Variants in VXN observed in about 807,000 individuals in gnomAD.
VXN encodes vexin, also known as uncharacterized protein C8orf46.
A neutral mutation model predicts 23.1 loss-of-function variants in VXN; 7 were observed. The ratio of observed to expected loss-of-function variants is 0.30; its 90% confidence interval spans 0.17 to 0.57. The LOEUF (loss-of-function observed/expected upper bound fraction) is 0.57. Ranked by LOEUF, VXN falls within the 20% of genes least tolerant of loss-of-function variation. The pLI, the probability that VXN is intolerant of heterozygous loss-of-function variation, is 0.91. For synonymous variants in VXN, 120 were observed against 105.8 expected (o/e 1.13, Z -0.83); for missense variants, 238 against 272.6 (o/e 0.87, Z 0.89).
In VXN at chr8:66,517,258, T is replaced by A. The variant is rs1334188663; in HGVS notation, c.*1182T>A. The A allele has an allele frequency of 1.3e-5, 2 of 152,232 alleles. No individual in the cohort carries two copies. Among genetic ancestry groups the A allele is most frequent in the African/African-American group, 2.4e-5 (1 of 41,464 alleles). 9.4% of individuals were successfully genotyped at this position (152,232 alleles called of 1,614,324 possible). On this transcript the variant is annotated 3_prime_UTR_variant, in exon 6 of 6. Transcript: ENST00000305454. ...AACAATAACATAATAATAATGATGA[T>A]AATGATACTTATAGCTATCATCTAT...
At chr8:66,499,755 C>T (rs1285691861) in intron 2 of VXN, among the ~76,000 whole-genome samples, 1 of 152,028 alleles carries the variant, frequency 6.6e-6, no homozygotes, top group African/African-American at 2.4e-5. Flanking sequence ...GACGGAGTTT[C>T]ACCATGTTGG....
intron 2 of VXN, among the ~76,000 whole-genome samples, chr8:66,501,619 A>G (rs1261536238): frequency 6.6e-6 from 1 of 152,224 alleles, no homozygotes; most frequent in Non-Finnish European, 1.5e-5. Context: ...CCAGGTGGAC[A>G]GCACAGGAGT....
At chr8:66,503,307 A>C (rs777595948) in intron 2 of VXN, 3 of 152,196 alleles carry the variant, frequency 2.0e-5, no homozygotes, top group East Asian at 3.8e-4. Flanking sequence ...ATTAGGCTAG[A>C]ATTGGGCTAG....
At chr8:66,512,065 C>CAAA (rs35689084) in intron 4 of VXN, among the ~76,000 whole-genome samples, 1 of 68,318 alleles carries the variant, frequency 1.5e-5, no homozygotes. Flanking sequence ...AACTCAGTTT[C>CAAA]AAAAAAAAAA....
At chr8:66,513,736 G>A (rs1029288935) in intron 5 of VXN, 99 bp downstream of exon 5, 14 of 930,346 alleles carry the variant, frequency 1.5e-5, no homozygotes, top group African/African-American at 1.0e-4. Context: ...ACAGACCCTC[G>A]AGAGGCCAAC....
At chr8:66,499,124 T>A (rs189558466) in intron 2 of VXN, among the ~76,000 whole-genome samples, 39 of 152,084 alleles carry the variant, frequency 2.6e-4, no homozygotes, top group African/African-American at 9.4e-4. Flanking sequence ...TTTATTTTTT[T>A]ATTTTTTTCT....
intron 2 of VXN, among the ~76,000 whole-genome samples, chr8:66,496,907 A>T (rs1807632992): frequency 6.6e-6 from 1 of 151,042 alleles, no homozygotes; most frequent in Non-Finnish European, 1.5e-5. Flanking sequence ...TTTTTTTGAG[A>T]TGGAGTCTCT....
At chr8:66,505,769 G>A (rs371711451) in intron 3 of VXN, among the ~76,000 whole-genome samples, 54 of 152,164 alleles carry the variant, frequency 3.5e-4, no homozygotes, top group Admixed American at 5.9e-4. Context: ...CTAGGTTTGC[G>A]TAATGAGCAA....
chr8:66,515,971 C>G lies in VXN; in HGVS notation c.519C>G (p.Gly173=). The G allele has an allele frequency of 1.2e-6, 2 of 1,613,980 alleles. No homozygotes were observed. Among genetic ancestry groups the G allele is most frequent in the Non-Finnish European group, 1.7e-6 (2 of 1,179,990 alleles). Reference sequence around the variant, plus strand: ...CAGAAGCCTCTCTACCACTGACAGGCAGTGCTTCCTGCGGCGTCCCCGGCA... The same window carrying G: ...CAGAAGCCTCTCTACCACTGACAGGGAGTGCTTCCTGCGGCGTCCCCGGCA... ...QGAEASLPLT[G]SASCGVPGIL... is the part of the protein sequence containing the mutation. Residue 173 remains glycine (G), a synonymous_variant, in exon 6 of 6, where the codon GGC becomes GGG. Transcript: ENST00000305454.
rs1807907124 is a variant in VXN at position 66,517,165 on chromosome 8, A to G, written c.*1089A>G. The G allele has an allele frequency of 6.6e-6, 1 of 152,220 alleles. No homozygotes were observed. Among genetic ancestry groups the G allele is most frequent in the South Asian group, 2.1e-4 (1 of 4,830 alleles). The allele number at this position is 152,220 out of a possible 1,614,324, so 9.4% of individuals were successfully genotyped here. ...TTCATATGGTTCAACCTCATATATG[A>G]TACTATGCTTTTCTTCTATCAGTGA... On this transcript the variant is annotated 3_prime_UTR_variant, in exon 6 of 6. Transcript: ENST00000305454.
intron 2 of VXN, among the ~76,000 whole-genome samples, chr8:66,504,101 G>A (rs918878936): frequency 6.6e-6 from 1 of 152,080 alleles, no homozygotes; most frequent in Non-Finnish European, 1.5e-5. Context: ...GCTGGGCTGA[G>A]CAGCTAATGC....
At chr8:66,494,594 T>C (rs907329730) in intron 1 of VXN, 2 of 152,212 alleles carry the variant, frequency 1.3e-5, no homozygotes, top group Non-Finnish European at 2.9e-5. Context: ...ACAGGGCCAT[T>C]GCACAGTGGG....
Position 66,517,173 on chromosome 8 carries a change from C to A in VXN, c.*1097C>A, listed in dbSNP as rs1807907296. The stretch of plus-strand genomic sequence containing the variant: ...GTTCAACCTCATATATGATACTATG[C>A]TTTTCTTCTATCAGTGAAAATGTCA... On this transcript the variant is annotated 3_prime_UTR_variant, in exon 6 of 6. Coordinates refer to ENST00000305454, the MANE Select transcript of VXN (RefSeq NM_152765.4). 6.6e-6 allele frequency: 1 copy of A among 152,152 alleles called. No individual in the cohort carries two copies. Among genetic ancestry groups the A allele is most frequent in the Non-Finnish European group, 1.5e-5 (1 of 68,024 alleles). The allele number at this position is 152,152 out of a possible 1,614,324, so 9.4% of individuals were successfully genotyped here. A position where few individuals can be genotyped will look rare whatever the true frequency, so the allele number is the denominator to read the frequency against.
At chr8:66,502,597 A>G (rs375505429) in intron 2 of VXN, among the ~76,000 whole-genome samples, 3 of 151,974 alleles carry the variant, frequency 2.0e-5, no homozygotes, top group East Asian at 3.9e-4. Context: ...AAATACAAAA[A>G]TTAGCCAGGC....
At chr8:66,496,576 A>G in intron 2 of VXN, 84 bp downstream of exon 2, 1 of 1,275,914 alleles carries the variant, frequency 7.8e-7, no homozygotes, top group Non-Finnish European at 1.1e-6. Context: ...CTCGCTCCCC[A>G]GCTCTCAGTG....
chr8:66,505,531 A>G lies in VXN; in HGVS notation c.280+3A>G. 1 of 1,496,808 alleles carries G rather than the reference A, an allele frequency of 6.7e-7. No individual in the cohort carries two copies. The highest frequency in any genetic ancestry group is 8.9e-7 in the Non-Finnish European group (1 of 1,127,088). 92.7% of individuals were successfully genotyped at this position (1,496,808 alleles called of 1,614,324 possible). On this transcript the variant is annotated splice_donor_region_variant and intron_variant, in intron 3 of 5. Transcript: ENST00000305454. ...GGCCAAAGCCTCTGCCAGACCCGGT[A>G]CGTGAGTCCCGGCCCCAGCTCCCCG...
At chr8:66,513,881 T>C (rs1807854694) in intron 5 of VXN, 1 of 464,796 alleles carries the variant, frequency 2.2e-6, no homozygotes, top group Non-Finnish European at 3.8e-6. Flanking sequence ...CGCCACTCTT[T>C]AGGCTTGGAG....
chr8:66,508,995 G>A (rs140193826), intron 3 of VXN, among the ~76,000 whole-genome samples: 28 of 152,214 alleles, frequency 1.8e-4, no homozygotes, highest in South Asian at 4.1e-4. Context: ...GTGAGACCCC[G>A]TCTCAAAAGA....
At chr8:66,514,578 C>T (rs146952900) in intron 5 of VXN, among the ~76,000 whole-genome samples, 2,308 of 152,112 alleles carry the variant, frequency 0.015, 62 homozygotes, top group African/African-American at 0.053. Context: ...TATAGGCGCC[C>T]GCCACCACGC....
Sources: gnomAD v4.1 joint callset for allele counts (sites outside exome capture counted in the v4.1 genomes callset) on GRCh38, gnomAD v4.1.1 for gene constraint, MANE v1.5 for transcripts, NCBI Gene and HGNC (gene_info 2026-07-23, HGNC 2026-07-21) for gene names.